The following LMX1A variants were observed in gnomAD, a reference collection of about 807,000 sequenced individuals.
The protein encoded by LMX1A is LIM homeobox transcription factor 1-alpha.
In LMX1A, 15 loss-of-function variants were observed where a neutral mutation model predicts 49.1. That is an observed-to-expected ratio of 0.31 (90% confidence interval 0.20 to 0.47). The LOEUF (loss-of-function observed/expected upper bound fraction) is 0.47, where lower values mean the gene tolerates loss of function less well. Ranked by LOEUF, LMX1A falls within the 20% of genes least tolerant of loss-of-function variation. LMX1A has a pLI of 1.00. For synonymous variants in LMX1A, 167 were observed against 185.7 expected, an observed-to-expected ratio of 0.90 and a Z score of 0.82; for missense variants, 372 against 475.8, an observed-to-expected ratio of 0.78 and a Z score of 2.03.
intron 4 of LMX1A, among the ~76,000 whole-genome samples, chr1:165,235,792 TA>T (rs1355017642): frequency 1.3e-5 from 2 of 152,216 alleles, no homozygotes; most frequent in African/African-American, 4.8e-5. Context: ...GATTGGGCAT[TA>T]GAACTCAGGG....
chr1:165,252,839 A>T (rs1653106907), intron 3 of LMX1A, among the ~76,000 whole-genome samples: 2 of 152,172 alleles, frequency 1.3e-5, no homozygotes, highest in African/African-American at 4.8e-5. Context: ...AACATGAACA[A>T]CTGAAGAGCA....
intron 3 of LMX1A, among the ~76,000 whole-genome samples, chr1:165,337,888 C>CTGTGTGTGTGTGTGTGTG (rs6143463): frequency 0.053 from 7,759 of 146,966 alleles, 314 homozygotes; most frequent in South Asian, 0.15. Flanking sequence ...GTGTGTGTTT[C>CTGTGTGTGTGTGTGTGTG]TGTGTGTGTG....
At chr1:165,347,901 G>T (rs760641693) in intron 3 of LMX1A, among the ~76,000 whole-genome samples, 1 of 151,854 alleles carries the variant, frequency 6.6e-6, no homozygotes, top group Non-Finnish European at 1.5e-5. Context: ...AGAAAAATTA[G>T]CTGATAATGA....
At chr1:165,345,613 A>T (rs192115424) in intron 3 of LMX1A, among the ~76,000 whole-genome samples, 1 of 152,314 alleles carries the variant, frequency 6.6e-6, no homozygotes, top group African/African-American at 2.4e-5. Context: ...AGAGGCCCGT[A>T]AATGGTTACC....
chr1:165,355,527 G>C lies in LMX1A; in HGVS notation c.33C>G (p.Phe11Leu). 6.2e-7 allele frequency: 1 copy of C among 1,614,024 alleles called. No individual in the cohort carries two copies. Among genetic ancestry groups the C allele is most frequent in the Non-Finnish European group, 8.5e-7 (1 of 1,179,998 alleles). ...AGGCCGAGGTGTCGATCGCGCTTTGGAAGTTCTCCTCCATCTTTAGGCCGT... is the reference window on the plus strand; with the variant it reads ...AGGCCGAGGTGTCGATCGCGCTTTGCAAGTTCTCCTCCATCTTTAGGCCGT... MLDGLKMEEN[F>L]QSAIDTSASF... The change falls in exon 2 of 9, where the codon TTC becomes TTG. Residue 11 changes from phenylalanine (F) to leucine (L), a missense_variant. By Grantham distance (22) the Phe-to-Leu change is conservative. Transcript: ENST00000342310. The surrounding 1 kb of genome is among the most constrained non-coding windows in gnomAD (Gnocchi z 4.7).
chr1:165,319,013 A>T (rs1160920903), intron 3 of LMX1A, among the ~76,000 whole-genome samples: 7 of 130,452 alleles, frequency 5.4e-5, no homozygotes, highest in African/African-American at 2.0e-4. Flanking sequence ...ACACACACAC[A>T]CACACACACA....
chr1:165,283,538 G>A (rs556181142), intron 3 of LMX1A, among the ~76,000 whole-genome samples: 14 of 151,938 alleles, frequency 9.2e-5, no homozygotes, highest in East Asian at 3.9e-4. Context: ...CATCTCCCAC[G>A]TGAATGGCTC....
In LMX1A at chr1:165,355,035, GC is replaced by G. The variant is rs1352310003; in HGVS notation, c.76+448del. Among the ~76,000 whole-genome samples the G allele has an allele frequency of 6.6e-6, 1 of 152,100 alleles. No individual in the cohort carries two copies. Among genetic ancestry groups the G allele is most frequent in the Non-Finnish European group, 1.5e-5 (1 of 68,030 alleles). On this transcript the variant is annotated intron_variant, in intron 2 of 8. Coordinates refer to ENST00000342310, the MANE Select transcript of LMX1A (RefSeq NM_177398.4). This position sits in a 1 kb window ranked among gnomAD's most constrained non-coding sequence, Gnocchi z 4.7. ...GCCCAGAAAAGTCTCTCTCGGCCTT[GC>G]CCATGGCTGAAATTGGGGCTGGAGT...
In LMX1A at chr1:165,320,161, T is replaced by C. The variant is rs368966575; in HGVS notation, c.263+32915A>G. 2.0e-5 allele frequency among the ~76,000 whole-genome samples: 3 copies of C among 152,236 alleles called. No individual in the cohort carries two copies. In the East Asian group the frequency reaches 5.8e-4, roughly 29 times the overall value. The stretch of plus-strand genomic sequence containing the variant: ...AAATTGGGATCTTTTGATAAGTGTC[T>C]GTTCATGTCCTTTGTCCTTTGGTTT... On this transcript the variant is annotated intron_variant, in intron 3 of 8. Coordinates refer to ENST00000342310, the MANE Select transcript of LMX1A (RefSeq NM_177398.4).
At chr1:165,293,512 C>A (rs187167973) in intron 3 of LMX1A, among the ~76,000 whole-genome samples, 2 of 152,312 alleles carry the variant, frequency 1.3e-5, no homozygotes, top group East Asian at 3.9e-4. Flanking sequence ...GGCATTCGAA[C>A]TAAAACTCAG....
intron 3 of LMX1A, among the ~76,000 whole-genome samples, chr1:165,338,346 T>G (rs1655965575): frequency 1.3e-5 from 2 of 152,218 alleles, no homozygotes; most frequent in Admixed American, 6.5e-5. Flanking sequence ...TCTGCAATAC[T>G]GCACACCATT....
At chr1:165,354,419 CAG>C (rs1045104120) in intron 2 of LMX1A, among the ~76,000 whole-genome samples, 8 of 152,202 alleles carry the variant, frequency 5.3e-5, no homozygotes, top group African/African-American at 1.7e-4. Context: ...GCGGAGGACA[CAG>C]AGTAAAAAGC....
intron 8 of LMX1A, 127 bp downstream of exon 8, chr1:165,205,737 T>C: frequency 1.2e-6 from 1 of 841,940 alleles, no homozygotes; most frequent in Non-Finnish European, 1.9e-6. Flanking sequence ...CTGGCAGTAT[T>C]TTGTAGGGCA....
At chr1:165,345,452 G>A (rs1435170509) in intron 3 of LMX1A, among the ~76,000 whole-genome samples, 1 of 152,212 alleles carries the variant, frequency 6.6e-6, no homozygotes, top group Non-Finnish European at 1.5e-5. Flanking sequence ...TGCTAGCCAG[G>A]CTTCTGGCCA....
chr1:165,326,415 C>G (rs957512423), intron 3 of LMX1A, among the ~76,000 whole-genome samples: 1 of 152,222 alleles, frequency 6.6e-6, no homozygotes, highest in Non-Finnish European at 1.5e-5. Context: ...ATGTGTTCCT[C>G]TCTCTCCTGC....
chr1:165,328,193 G>A (rs1655642996), intron 3 of LMX1A, among the ~76,000 whole-genome samples: 2 of 152,340 alleles, frequency 1.3e-5, no homozygotes, highest in South Asian at 4.1e-4. Context: ...TGTGGATTCT[G>A]GTCAGTTGCC....
chr1:165,323,504 ATAATGTTTCT>A (rs1056335033), intron 3 of LMX1A, among the ~76,000 whole-genome samples: 7 of 152,236 alleles, frequency 4.6e-5, no homozygotes, highest in African/African-American at 1.7e-4. Context: ...GTTTCATGTT[ATAATGTTTCT>A]ATACATGTTA....
At chr1:165,234,095 T>A (rs1247884688) in intron 4 of LMX1A, among the ~76,000 whole-genome samples, 2 of 152,090 alleles carry the variant, frequency 1.3e-5, no homozygotes, top group East Asian at 3.9e-4. Flanking sequence ...ACCATCAGAG[T>A]ATATTCAAAT....
chr1:165,347,382 A>G (rs963683662), intron 3 of LMX1A, among the ~76,000 whole-genome samples: 1 of 152,224 alleles, frequency 6.6e-6, no homozygotes, highest in African/African-American at 2.4e-5. Flanking sequence ...AGCCTCAGGC[A>G]TGCTGGAAAT....
Sources: allele counts gnomAD v4.1 joint callset (sites outside exome capture counted in the v4.1 genomes callset), GRCh38; gene constraint gnomAD v4.1.1; non-coding constraint Gnocchi (gnomAD v3.1); transcripts MANE v1.5; gene names NCBI Gene and HGNC (gene_info 2026-07-23, HGNC 2026-07-21).